The following RBFOX1 variants were observed in gnomAD, a reference collection of about 807,000 sequenced individuals.
RBFOX1 encodes RNA binding fox-1 homolog 1.
Under a neutral mutation model 57.7 loss-of-function variants are expected in RBFOX1, and 8 were observed. That is an observed-to-expected ratio of 0.14 (90% CI 0.08 to 0.25). RBFOX1 has a LOEUF of 0.25. Ranked by LOEUF, RBFOX1 falls within the 10% of genes least tolerant of loss-of-function variation. The probability of loss-of-function intolerance (pLI) is 1.00; values close to 1 mark genes in which losing one functional copy is unlikely to be tolerated. For missense variants in RBFOX1, 611 were observed against 548.5 expected (o/e 1.11, Z -1.14); for synonymous variants, 326 against 222.4 (o/e 1.47, Z -4.15).
chr16:6,942,006 A>G (rs1020258380), intron 3 of RBFOX1, among the ~76,000 whole-genome samples: 28 of 152,172 alleles, frequency 1.8e-4, no homozygotes, highest in African/African-American at 6.5e-4. Flanking sequence ...AGGTGGGCAG[A>G]TAATTTGAAA....
chr16:7,055,038 A>G (rs767197610), intron 4 of RBFOX1, among the ~76,000 whole-genome samples: 1 of 152,174 alleles, frequency 6.6e-6, no homozygotes, highest in Non-Finnish European at 1.5e-5. Flanking sequence ...AATTTTTCCA[A>G]AACAGACACT....
intron 3 of RBFOX1, among the ~76,000 whole-genome samples, chr16:6,842,641 A>G (rs111982487): frequency 2.4e-5 from 3 of 125,974 alleles, no homozygotes; most frequent in South Asian, 2.7e-4. Flanking sequence ...TGTTTTTTTT[A>G]AATCTATTTG....
intron 4 of RBFOX1, among the ~76,000 whole-genome samples, chr16:7,373,026 G>C (rs2147437238): frequency 6.6e-6 from 1 of 151,822 alleles, no homozygotes; most frequent in African/African-American, 2.4e-5. Flanking sequence ...CCGTCTCCCA[G>C]GCTGTAGCCA....
chr16:6,553,145 T>C (rs1567656939), intron 2 of RBFOX1, among the ~76,000 whole-genome samples: 1 of 152,184 alleles, frequency 6.6e-6, no homozygotes, highest in Non-Finnish European at 1.5e-5. Context: ...TGGAAGTCAG[T>C]TCTGTTAAAC....
chr16:5,948,821 C>T (rs532623358), intron 4 of RBFOX1, among the ~76,000 whole-genome samples: 5 of 152,266 alleles, frequency 3.3e-5, no homozygotes, highest in Admixed American at 1.3e-4. Flanking sequence ...TACTTTCTTA[C>T]GGCATCCCTG....
chr16:6,390,346 G>T (rs924890727), intron 2 of RBFOX1, among the ~76,000 whole-genome samples: 1 of 152,076 alleles, frequency 6.6e-6, no homozygotes, highest in African/African-American at 2.4e-5. Flanking sequence ...GTGGAGCTGT[G>T]GTGATAATAC....
At chr16:6,178,177 CTTTTTTTTTTTTTT>C (rs34382826) in intron 1 of RBFOX1, among the ~76,000 whole-genome samples, 6 of 69,616 alleles carry the variant, frequency 8.6e-5, no homozygotes, top group African/African-American at 3.3e-4. Flanking sequence ...AAAGGTCACT[CTTTTTTTTTTTTTT>C]TTTTTTTTTT....
chr16:7,626,937 T>C (rs1365871046), intron 10 of RBFOX1, among the ~76,000 whole-genome samples: 1 of 152,148 alleles, frequency 6.6e-6, no homozygotes, highest in Non-Finnish European at 1.5e-5. Flanking sequence ...GTGGATTTTG[T>C]AGTTCAGACG....
At chr16:6,526,853 A>C (rs1158454389) in intron 2 of RBFOX1, among the ~76,000 whole-genome samples, 3 of 139,028 alleles carry the variant, frequency 2.2e-5, no homozygotes, top group African/African-American at 6.5e-5. Flanking sequence ...AAAAAAAAAA[A>C]AAAAAACAAC....
At chr16:6,408,443 G>A (rs893396264) in intron 2 of RBFOX1, among the ~76,000 whole-genome samples, 15 of 152,238 alleles carry the variant, frequency 9.9e-5, no homozygotes, top group Admixed American at 8.5e-4. Context: ...TCATCAGGGC[G>A]AGTTCTGGAT....
At chr16:7,394,858 C>T (rs1568607812) in intron 4 of RBFOX1, among the ~76,000 whole-genome samples, 1 of 152,184 alleles carries the variant, frequency 6.6e-6, no homozygotes, top group Admixed American at 6.6e-5. Context: ...CCGTCTACTT[C>T]CACGATCCTC....
At chr16:7,168,962 TG>T (rs1337214128) in intron 4 of RBFOX1, among the ~76,000 whole-genome samples, 1 of 152,178 alleles carries the variant, frequency 6.6e-6, no homozygotes, top group African/African-American at 2.4e-5. Flanking sequence ...ATGAACTCCA[TG>T]GGGAATAATT....
chr16:7,696,975 A>G (rs540960251), intron 14 of RBFOX1, among the ~76,000 whole-genome samples: 7 of 152,298 alleles, frequency 4.6e-5, no homozygotes, highest in East Asian at 3.9e-4. Context: ...AGTTTAATAG[A>G]TAACATCTAG....
At chr16:7,252,234 C>T (rs1346308283) in intron 4 of RBFOX1, among the ~76,000 whole-genome samples, 1 of 152,342 alleles carries the variant, frequency 6.6e-6, no homozygotes, top group South Asian at 2.1e-4. Context: ...TCCCCCATAT[C>T]TCCATTCATT....
intron 3 of RBFOX1, among the ~76,000 whole-genome samples, chr16:5,751,635 G>C (rs979172318): frequency 1.3e-5 from 2 of 152,114 alleles, no homozygotes; most frequent in African/African-American, 4.8e-5. Context: ...ATCAGTCTCA[G>C]GACTACTCTA....
At chr16:5,913,388 G>A (rs757382105) in intron 4 of RBFOX1, among the ~76,000 whole-genome samples, 1 of 152,170 alleles carries the variant, frequency 6.6e-6, no homozygotes, top group South Asian at 2.1e-4. Context: ...AAGGGGTTTG[G>A]GTGATGGGGG....
intron 2 of RBFOX1, among the ~76,000 whole-genome samples, chr16:6,623,457 ATTATAC>A: frequency 8.5e-6 from 1 of 118,184 alleles, no homozygotes; most frequent in East Asian, 2.6e-4. Context: ...TTTTTTTTTT[ATTATAC>A]TTTAAGTTTT....
Position 7,143,288 on chromosome 16 carries a change from A to G in RBFOX1, c.27+91190A>G, listed in dbSNP as rs561517199. On this transcript the variant is annotated intron_variant, in intron 4 of 15. Transcript: ENST00000550418. ...GAGAGGAGAAATGACAATGCGTCCA[A>G]CTGTTTTCCAGCCCTCCTCCACCGC... Among the ~76,000 whole-genome samples the G allele has an allele frequency of 1.7e-3, 262 of 152,168 alleles. 2 individuals are homozygous for G. The highest frequency in any genetic ancestry group is 3.1e-3 in the Non-Finnish European group (214 of 68,016).
At chr16:7,445,230 G>A (rs2098799160) in intron 4 of RBFOX1, among the ~76,000 whole-genome samples, 1 of 152,088 alleles carries the variant, frequency 6.6e-6, no homozygotes, top group Admixed American at 6.5e-5. Context: ...ATGAGTATGA[G>A]TAAAATGAAC....
Sources: gnomAD v4.1 joint callset for allele counts (sites outside exome capture counted in the v4.1 genomes callset) on GRCh38, gnomAD v4.1.1 for gene constraint, MANE v1.5 for transcripts, NCBI Gene and HGNC (gene_info 2026-07-23, HGNC 2026-07-21) for gene names.